The following MAGI2 variants were observed in gnomAD, a reference collection of about 807,000 sequenced individuals.
MAGI2 encodes the protein membrane associated guanylate kinase, WW and PDZ domain containing 2.
MAGI2 carries 35 observed loss-of-function variants against 133.3 expected under a neutral mutation model. The observed-to-expected ratio is 0.26, with a 90% CI of 0.20 to 0.35. The LOEUF (loss-of-function observed/expected upper bound fraction) is 0.35. MAGI2 is among the 10% of genes least tolerant of loss of function. The pLI is 1.00. For missense variants in MAGI2, 1,636 were observed against 1,863.4 expected, an observed-to-expected ratio of 0.88 and a Z score of 2.25; for synonymous variants, 729 against 710.6, an observed-to-expected ratio of 1.03 and a Z score of -0.41.
chr7:78,518,330 G>C (rs1488929823), intron 4 of MAGI2: 1 of 152,058 alleles, frequency 6.6e-6, no homozygotes, highest in Non-Finnish European at 1.5e-5. Context: ...GGTTATATAA[G>C]ACTCAGGATA....
intron 1 of MAGI2, among the ~76,000 whole-genome samples, chr7:79,116,977 T>A (rs911418245): frequency 6.6e-6 from 1 of 151,844 alleles, no homozygotes; most frequent in Non-Finnish European, 1.5e-5. Context: ...CCTCAGGGAG[T>A]TACAACAACA....
chr7:78,730,184 G>T (rs1821232383), intron 2 of MAGI2, among the ~76,000 whole-genome samples: 1 of 152,076 alleles, frequency 6.6e-6, no homozygotes, highest in Admixed American at 6.5e-5. Flanking sequence ...TCATAAAGTA[G>T]TCTGTGCAGT....
At chr7:79,002,269 A>C (rs967347611) in intron 2 of MAGI2, among the ~76,000 whole-genome samples, 4 of 151,626 alleles carry the variant, frequency 2.6e-5, no homozygotes, top group Admixed American at 6.6e-5. Context: ...CTACAGGTGC[A>C]TGCCACCATG....
intron 2 of MAGI2, among the ~76,000 whole-genome samples, chr7:78,855,642 T>A (rs1793568305): frequency 6.6e-6 from 1 of 152,230 alleles, no homozygotes; most frequent in Non-Finnish European, 1.5e-5. Context: ...ATTTTCTTAA[T>A]CCTGTCTATT....
chr7:78,362,851 C>T (rs1396080661), intron 7 of MAGI2, among the ~76,000 whole-genome samples: 1 of 152,116 alleles, frequency 6.6e-6, no homozygotes, highest in Non-Finnish European at 1.5e-5. Context: ...AGCTACTCTA[C>T]TGAGAGGCTG....
chr7:78,655,454 C>CAAAAAAAAAAAAAAAAA, intron 2 of MAGI2, among the ~76,000 whole-genome samples: 2 of 64,950 alleles, frequency 3.1e-5, no homozygotes, highest in Non-Finnish European at 5.6e-5. Context: ...AAAAAACAAC[C>CAAAAAAAAAAAAAAAAA]AAAAAAAAAA....
chr7:78,044,706 C>CGTGTGT (rs556210728), intron 21 of MAGI2, among the ~76,000 whole-genome samples: 1 of 113,544 alleles, frequency 8.8e-6, no homozygotes, highest in Non-Finnish European at 1.9e-5. Context: ...TGTGTGTGTG[C>CGTGTGT]ACGTGTGCAC....
chr7:78,523,552 A>G (rs545995194), intron 3 of MAGI2, among the ~76,000 whole-genome samples: 14 of 152,276 alleles, frequency 9.2e-5, no homozygotes, highest in South Asian at 4.1e-4. Flanking sequence ...TAGAAAGGAA[A>G]GAGGTTTAAT....
Position 78,542,868 on chromosome 7 carries a change from G to A in MAGI2, c.539-21223C>T, listed in dbSNP as rs114223408. 5.7e-3 allele frequency among the ~76,000 whole-genome samples: 871 copies of A among 152,246 alleles called. 7 individuals are homozygous for A. Among genetic ancestry groups the A allele is most frequent in the African/African-American group, 0.017 (715 of 41,546 alleles). On this transcript the variant is annotated intron_variant, in intron 3 of 21. Coordinates refer to ENST00000354212, the MANE Select transcript of MAGI2 (RefSeq NM_012301.4). ...TTAAAAATGACTTCCTTCTTGTTAC[G>A]CTGTGGAAAACAGATTTGGAGGGGA...
chr7:78,457,703 C>A (rs114285102), intron 6 of MAGI2, among the ~76,000 whole-genome samples: 3,441 of 152,188 alleles, frequency 0.023, 117 homozygotes, highest in African/African-American at 0.075. Context: ...CATATTATCT[C>A]ATTTAATCCT....
rs528129378 is a variant in MAGI2 at position 78,323,998 on chromosome 7, T to C, written c.1408+19780A>G. 1.2e-4 allele frequency among the ~76,000 whole-genome samples: 18 copies of C among 152,286 alleles called. No individual in the cohort carries two copies. In the South Asian group the frequency reaches 2.3e-3, roughly 19 times the overall value. On this transcript the variant is annotated intron_variant, in intron 9 of 21. Coordinates refer to ENST00000354212, the MANE Select transcript of MAGI2 (RefSeq NM_012301.4). ...GTGTATTGATCTTGAAATTTTCTTT[T>C]TAGCTAACCAGAGTATTTGGATATA...
chr7:78,360,588 A>G lies in MAGI2; in HGVS notation c.1103+8568T>C, dbSNP rs546282399. Among the ~76,000 whole-genome samples the G allele has an allele frequency of 6.6e-5, 10 of 152,230 alleles. 1 individual carries two copies. Among genetic ancestry groups the G allele is most frequent in the African/African-American group, 1.9e-4 (8 of 41,462 alleles). On this transcript the variant is annotated intron_variant, in intron 7 of 21. Transcript: ENST00000354212. ...CTAACTGTTTCACAAATAATAGAAT[A>G]ATCATCATCTACCTGTCATAGAACA...
At chr7:78,415,226 G>A (rs1476311017) in intron 6 of MAGI2, among the ~76,000 whole-genome samples, 2 of 151,994 alleles carry the variant, frequency 1.3e-5, no homozygotes, top group African/African-American at 2.4e-5. Context: ...TACTAAGCAG[G>A]AAATCTCAAG....
At chr7:78,896,934 A>G (rs1213855547) in intron 2 of MAGI2, among the ~76,000 whole-genome samples, 1 of 152,218 alleles carries the variant, frequency 6.6e-6, no homozygotes, top group Non-Finnish European at 1.5e-5. Flanking sequence ...AATCACTAAC[A>G]AAAATCACCA....
At chr7:78,780,729 GGTGTTAATTGTA>G (rs1474261796) in intron 2 of MAGI2, among the ~76,000 whole-genome samples, 2 of 152,196 alleles carry the variant, frequency 1.3e-5, no homozygotes. Flanking sequence ...AAAACCAACA[GGTGTTAATTGTA>G]GTATTTGTCA....
chr7:79,124,299 T>G (rs1365274587), intron 1 of MAGI2, among the ~76,000 whole-genome samples: 1 of 152,224 alleles, frequency 6.6e-6, no homozygotes, highest in Non-Finnish European at 1.5e-5. Flanking sequence ...TGCCTACCAA[T>G]TATTGAACAG....
At chr7:78,726,625 G>A (rs1585206599) in intron 2 of MAGI2, among the ~76,000 whole-genome samples, 1 of 151,978 alleles carries the variant, frequency 6.6e-6, no homozygotes, top group African/African-American at 2.4e-5. Flanking sequence ...CATTTTTAAA[G>A]GAATAAATGG....
rs554010061 is a variant in MAGI2 at position 78,529,668 on chromosome 7, G to GTTTTTTTT, written c.539-8031_539-8024dup. Among the ~76,000 whole-genome samples the GTTTTTTTT allele has an allele frequency of 9.0e-3, 518 of 57,406 alleles. 134 individuals carry two copies. The highest frequency in any genetic ancestry group is 0.014 in the East Asian group (27 of 1,896). 37.7% of individuals were successfully genotyped at this position (57,406 alleles called of 152,430 possible). A position where few individuals can be genotyped will look rare whatever the true frequency, so the allele number is the denominator to read the frequency against. On this transcript the variant is annotated intron_variant, in intron 3 of 21. Coordinates refer to ENST00000354212, the MANE Select transcript of MAGI2 (RefSeq NM_012301.4). Reference sequence around the variant, plus strand: ...TTTCTTTTCCTTGCTAAAGGAGATGGTTTTTTTTTTTTTTTTTTTTTTTTT... The same window carrying GTTTTTTTT: ...TTTCTTTTCCTTGCTAAAGGAGATGGTTTTTTTTTTTTTTTTTTTTTTTTTTTTTTTTT...
At chr7:78,712,200 T>G (rs1472570119) in intron 2 of MAGI2, among the ~76,000 whole-genome samples, 1 of 152,190 alleles carries the variant, frequency 6.6e-6, no homozygotes, top group Non-Finnish European at 1.5e-5. Flanking sequence ...AAGTTCCTAC[T>G]TACAGTAAAT....
Sources: allele counts gnomAD v4.1 joint callset (sites outside exome capture counted in the v4.1 genomes callset), GRCh38; gene constraint gnomAD v4.1.1; transcripts MANE v1.5; gene names NCBI Gene and HGNC (gene_info 2026-07-23, HGNC 2026-07-21).